CACNA2D1: variants seen among roughly 807,000 people sequenced by gnomAD.
CACNA2D1 encodes voltage-dependent calcium channel subunit alpha-2/delta-1.
A neutral mutation model predicts 171.5 loss-of-function variants in CACNA2D1; 53 were observed. The ratio of observed to expected loss-of-function variants is 0.31; its 90% CI spans 0.25 to 0.39. CACNA2D1 has a LOEUF of 0.39. CACNA2D1 is among the 10% of genes least tolerant of loss of function. The pLI is 1.00. For synonymous variants in CACNA2D1, 442 were observed against 443.1 expected, an observed-to-expected ratio of 1.00 and a Z score of 0.03; for missense variants, 903 against 1,299.8, an observed-to-expected ratio of 0.69 and a Z score of 4.69.
chr7:82,197,232 T>C (rs1301602133), intron 3 of CACNA2D1, among the ~76,000 whole-genome samples: 2 of 151,938 alleles, frequency 1.3e-5, no homozygotes, highest in Non-Finnish European at 2.9e-5. Context: ...TATAAGAGTA[T>C]TCAGAAACAA....
chr7:81,977,810 A>G (rs1584262331), intron 24 of CACNA2D1, among the ~76,000 whole-genome samples: 1 of 152,112 alleles, frequency 6.6e-6, no homozygotes, highest in East Asian at 1.9e-4. Context: ...GGCAACCTAC[A>G]GAATGGGAGA....
At chr7:82,114,586 C>CA (rs1028041128) in intron 6 of CACNA2D1, among the ~76,000 whole-genome samples, 36 of 151,550 alleles carry the variant, frequency 2.4e-4, no homozygotes, top group Middle Eastern at 6.8e-3. Context: ...CTACTAAATA[C>CA]AAAAAAACAA....
rs868006507 is a variant in CACNA2D1, at chr7:82,079,334, T to C, written c.658+5435A>G. Reference sequence around the variant, plus strand: ...AAGGTCATCATCATACAAAGTATACTGGTGGAGGTGGGGTTTATATTCTGG... The same window carrying C: ...AAGGTCATCATCATACAAAGTATACCGGTGGAGGTGGGGTTTATATTCTGG... On this transcript the variant is annotated intron_variant, in intron 7 of 38. Transcript: ENST00000356860. Among the ~76,000 whole-genome samples, 10 of 152,288 alleles carry C rather than the reference T, an allele frequency of 6.6e-5. No homozygotes were observed. The Middle Eastern group carries it at 0.01, about 155-fold the overall frequency.
At chr7:81,957,389 G>A (rs775424625) in intron 38 of CACNA2D1, among the ~76,000 whole-genome samples, 2 of 151,952 alleles carry the variant, frequency 1.3e-5, no homozygotes, top group Non-Finnish European at 2.9e-5. Flanking sequence ...CGCAGATTTA[G>A]GAATATGGGT....
At chr7:82,213,066 A>G (rs1457528508) in intron 3 of CACNA2D1, among the ~76,000 whole-genome samples, 2 of 151,848 alleles carry the variant, frequency 1.3e-5, no homozygotes, top group Non-Finnish European at 1.5e-5. Flanking sequence ...CGCCCTGCTA[A>G]TTTTTTGTAT....
intron 6 of CACNA2D1, among the ~76,000 whole-genome samples, chr7:82,112,087 G>T (rs184562130): frequency 6.6e-6 from 1 of 152,114 alleles, no homozygotes; most frequent in East Asian, 1.9e-4. Context: ...TATAGTTTCT[G>T]CCTAATATCA....
At chr7:82,424,112 T>C (rs1310387530) in intron 1 of CACNA2D1, among the ~76,000 whole-genome samples, 1 of 152,130 alleles carries the variant, frequency 6.6e-6, no homozygotes, top group Non-Finnish European at 1.5e-5. Flanking sequence ...TGAAAAGCAC[T>C]AAATTAGACA....
intron 1 of CACNA2D1, among the ~76,000 whole-genome samples, chr7:82,359,356 CTTA>C (rs1015418053): frequency 7.8e-4 from 119 of 151,984 alleles, no homozygotes; most frequent in African/African-American, 2.8e-3. Flanking sequence ...TAAAAATTTC[CTTA>C]TTTTCTTTAT....
intron 6 of CACNA2D1, among the ~76,000 whole-genome samples, chr7:82,101,889 G>A (rs1252618236): frequency 6.6e-6 from 1 of 152,082 alleles, no homozygotes; most frequent in Non-Finnish European, 1.5e-5. Flanking sequence ...GTATCAGTAG[G>A]AAAGGTTAAC....
chr7:81,958,761 ATAG>A (rs773285086), intron 38 of CACNA2D1, among the ~76,000 whole-genome samples: 62 of 152,078 alleles, frequency 4.1e-4, no homozygotes, highest in Non-Finnish European at 7.4e-4. Flanking sequence ...AAAGGAAATA[ATAG>A]AAGTCTAATA....
chr7:82,345,105 G>T (rs765343472), intron 2 of CACNA2D1, among the ~76,000 whole-genome samples: 10 of 151,778 alleles, frequency 6.6e-5, no homozygotes, highest in Non-Finnish European at 8.8e-5. Flanking sequence ...TAAACTCTCC[G>T]CCACCTAGAA....
rs1803571514 is a variant in CACNA2D1 at position 82,236,208 on chromosome 7, G to A, written c.295-65599C>T. Reference sequence around the variant, plus strand: ...TCGTAACAAGTTACCAATAAATAGCGAATTATAGAATGTGAAACCCAACTT... The same window carrying A: ...TCGTAACAAGTTACCAATAAATAGCAAATTATAGAATGTGAAACCCAACTT... On this transcript the variant is annotated intron_variant, in intron 3 of 38. Coordinates refer to ENST00000356860, the MANE Select transcript of CACNA2D1 (RefSeq NM_000722.4). Among the ~76,000 whole-genome samples, 19 of 151,812 alleles carry A rather than the reference G, an allele frequency of 1.3e-4. 1 individual carries two copies. Among genetic ancestry groups the A allele is most frequent in the South Asian group, 2.1e-4 (1 of 4,792 alleles).
chr7:82,419,231 G>A (rs1323706386), intron 1 of CACNA2D1, among the ~76,000 whole-genome samples: 1 of 151,806 alleles, frequency 6.6e-6, no homozygotes, highest in East Asian at 1.9e-4. Context: ...TCTGAAAAAA[G>A]CCAAGCACTT....
intron 3 of CACNA2D1, among the ~76,000 whole-genome samples, chr7:82,195,922 GCTGA>G (rs1798806060): frequency 6.6e-6 from 1 of 152,016 alleles, no homozygotes; most frequent in South Asian, 2.1e-4. Flanking sequence ...AAATTCTAGT[GCTGA>G]CTGTCTCCTG....
At chr7:82,213,289 A>T (rs1344456355) in intron 3 of CACNA2D1, among the ~76,000 whole-genome samples, 1 of 152,220 alleles carries the variant, frequency 6.6e-6, no homozygotes, top group Non-Finnish European at 1.5e-5. Context: ...TCTTTAAAAA[A>T]TATTTACACA....
chr7:82,261,950 ATTG>A (rs966974574), intron 3 of CACNA2D1, among the ~76,000 whole-genome samples: 2 of 152,158 alleles, frequency 1.3e-5, no homozygotes, highest in African/African-American at 2.4e-5. Flanking sequence ...AATGTTAACT[ATTG>A]TTGTTGTTGC....
At chr7:82,394,618 T>C (rs61153542) in intron 1 of CACNA2D1, among the ~76,000 whole-genome samples, 4,643 of 152,132 alleles carry the variant, frequency 0.031, 143 homozygotes, top group East Asian at 0.12. Context: ...AAGCAGGTGG[T>C]TTATTTCGGG....
intron 6 of CACNA2D1, among the ~76,000 whole-genome samples, chr7:82,095,556 T>G (rs1459488025): frequency 6.6e-6 from 1 of 152,178 alleles, no homozygotes; most frequent in Non-Finnish European, 1.5e-5. Context: ...GAGAAAACAT[T>G]ATGTACAATA....
chr7:82,323,747 T>G (rs763169961), intron 3 of CACNA2D1, among the ~76,000 whole-genome samples: 1 of 152,190 alleles, frequency 6.6e-6, no homozygotes, highest in Non-Finnish European at 1.5e-5. Context: ...CTTTCCCCCA[T>G]GCTGCATTAC....
Sources: gnomAD v4.1 joint callset for allele counts (sites outside exome capture counted in the v4.1 genomes callset) on GRCh38, gnomAD v4.1.1 for gene constraint, MANE v1.5 for transcripts, NCBI Gene and HGNC (gene_info 2026-07-23, HGNC 2026-07-21) for gene names.